The following AGPAT4 variants were observed in gnomAD, a reference collection of about 807,000 sequenced individuals.
AGPAT4 encodes the protein 1-acyl-sn-glycerol-3-phosphate acyltransferase delta.
Under a neutral mutation model 48.0 loss-of-function variants are expected in AGPAT4, and 15 were observed. The observed-to-expected ratio is 0.31, with a 90% CI of 0.21 to 0.48. The LOEUF is 0.48. Ranked by LOEUF, AGPAT4 falls within the 20% of genes least tolerant of loss-of-function variation. AGPAT4 has a pLI of 0.99. For synonymous variants in AGPAT4, 178 were observed against 198.7 expected (o/e 0.90, Z 0.88); for missense variants, 314 against 482.5 (o/e 0.65, Z 3.27).
chr6:161,247,673 G>A (rs35678264), intron 1 of AGPAT4, among the ~76,000 whole-genome samples: 4,929 of 152,140 alleles, frequency 0.032, 118 homozygotes, highest in Non-Finnish European at 0.045. Context: ...CTCTCACCAC[G>A]CCTATTCAAC....
At position 161,219,234 on chromosome 6, in the gene AGPAT4, T is replaced by C. The variant is rs1307563059; in HGVS notation, c.178+12802A>G. 6.6e-6 allele frequency among the ~76,000 whole-genome samples: 1 copy of C among 152,102 alleles called. No individual in the cohort carries two copies. The highest frequency in any genetic ancestry group is 1.5e-5 in the Non-Finnish European group (1 of 68,012). Reference sequence around the variant, plus strand: ...CATAGCTAAGGCAGTGGTCTTTCAATGTTTTTGATTCCTTAAAAAAAAAAT... The same window carrying C: ...CATAGCTAAGGCAGTGGTCTTTCAACGTTTTTGATTCCTTAAAAAAAAAAT... On this transcript the variant is annotated intron_variant, in intron 2 of 8. Transcript: ENST00000320285. This position sits in a 1 kb window ranked among gnomAD's most constrained non-coding sequence, Gnocchi z 4.9.
chr6:161,174,859 G>A (rs1038839172), intron 2 of AGPAT4, among the ~76,000 whole-genome samples: 11 of 152,168 alleles, frequency 7.2e-5, no homozygotes, highest in South Asian at 2.1e-4. Flanking sequence ...AGCATGAAGC[G>A]CTGTTGAATT....
intron 2 of AGPAT4, among the ~76,000 whole-genome samples, chr6:161,224,637 T>C: frequency 1.8e-5 from 2 of 110,292 alleles, no homozygotes; most frequent in East Asian, 2.2e-4. Flanking sequence ...CAAGACTCCT[T>C]CTCAAAAAAA....
rs1029539876 is a variant in AGPAT4 at position 161,165,091 on chromosome 6, C to T, written c.348+1157G>A. ...GTTAGGACCATGACATTCTAAGGGGCGATCTCTCATCAGAGAGAATAAATC... is the reference window on the plus strand; with the variant it reads ...GTTAGGACCATGACATTCTAAGGGGTGATCTCTCATCAGAGAGAATAAATC... On this transcript the variant is annotated intron_variant, in intron 3 of 8. Transcript: ENST00000320285. The surrounding 1 kb of genome is among the most constrained non-coding windows in gnomAD (Gnocchi z 5.5). Among the ~76,000 whole-genome samples, 1 of 152,144 alleles carries T rather than the reference C, an allele frequency of 6.6e-6. No homozygotes were observed. The highest frequency in any genetic ancestry group is 1.5e-5 in the Non-Finnish European group (1 of 68,026).
At position 161,202,444 on chromosome 6, in the gene AGPAT4, T is replaced by C. The variant is rs1218480031; in HGVS notation, c.178+29592A>G. Among the ~76,000 whole-genome samples, 1 of 152,164 alleles carries C rather than the reference T, an allele frequency of 6.6e-6. No individual in the cohort carries two copies. Among genetic ancestry groups the C allele is most frequent in the African/African-American group, 2.4e-5 (1 of 41,444 alleles). On this transcript the variant is annotated intron_variant, in intron 2 of 8. Transcript: ENST00000320285. This position sits in a 1 kb window ranked among gnomAD's most constrained non-coding sequence, Gnocchi z 5.4. Reference sequence around the variant, plus strand: ...GAGAGAGGAAACCAGGCAGAAGCTATGGCCTCACCTTGAAAGTTACAAAGC... The same window carrying C: ...GAGAGAGGAAACCAGGCAGAAGCTACGGCCTCACCTTGAAAGTTACAAAGC...
At chr6:161,185,647 C>G (rs1472263445) in intron 2 of AGPAT4, among the ~76,000 whole-genome samples, 1 of 152,128 alleles carries the variant, frequency 6.6e-6, no homozygotes, top group Non-Finnish European at 1.5e-5. Context: ...TCTACTCTTA[C>G]ATAGATTTTA....
rs113283241 is a variant in AGPAT4, at chr6:161,160,631, G to A, written c.348+5617C>T. On this transcript the variant is annotated intron_variant, in intron 3 of 8. Coordinates refer to ENST00000320285, the MANE Select transcript of AGPAT4 (RefSeq NM_020133.3). ...GATGTGCGGAGAGGAGAAGAGGACCGTGCAGGCTTGAAGCAGCAGGATACT... is the reference window on the plus strand; with the variant it reads ...GATGTGCGGAGAGGAGAAGAGGACCATGCAGGCTTGAAGCAGCAGGATACT... 5.3e-3 allele frequency: 1,247 copies of A among 235,974 alleles called. 13 individuals are homozygous for A. Among genetic ancestry groups the A allele is most frequent in the African/African-American group, 0.024 (1,086 of 45,452 alleles). The allele number at this position is 235,974 out of a possible 1,614,324, so 14.6% of individuals were successfully genotyped here.
rs146725531 is a variant in AGPAT4 at position 161,229,282 on chromosome 6, G to C, written c.178+2754C>G. Reference sequence around the variant, plus strand: ...CTGCAAATCATGAATGCTGATGACTGTCTAAGCTCAGAGTGACTCATACAC... The same window carrying C: ...CTGCAAATCATGAATGCTGATGACTCTCTAAGCTCAGAGTGACTCATACAC... On this transcript the variant is annotated intron_variant, in intron 2 of 8. Transcript: ENST00000320285. The surrounding 1 kb of genome is among the most constrained non-coding windows in gnomAD (Gnocchi z 6.0). Among the ~76,000 whole-genome samples the C allele has an allele frequency of 3.3e-5, 5 of 152,228 alleles. No homozygotes were observed. Among genetic ancestry groups the C allele is most frequent in the East Asian group, 1.9e-4 (1 of 5,162 alleles).
At position 161,166,332 on chromosome 6, in the gene AGPAT4, T is replaced by TGAGG. The variant is rs1780095585; in HGVS notation, c.263_264insCCTC (p.Glu88AspfsTer13). 1 of 1,614,054 alleles carries TGAGG rather than the reference T, an allele frequency of 6.2e-7. No homozygotes were observed. Among genetic ancestry groups the TGAGG allele is most frequent in the African/African-American group, 1.3e-5 (1 of 74,910 alleles). ...TGTGGTTGAGAACCACGATGGCATT[T>TGAGG]TCCTTCCCATACTTGAGGTAGGCGC... On this transcript the variant is annotated frameshift_variant, in exon 3 of 9. Coordinates refer to ENST00000320285, the MANE Select transcript of AGPAT4 (RefSeq NM_020133.3). LOFTEE classifies it high-confidence loss of function. The surrounding 1 kb of genome is among the most constrained non-coding windows in gnomAD (Gnocchi z 6.7).
chr6:161,233,763 A>G lies in AGPAT4; in HGVS notation c.-89-1461T>C, dbSNP rs1040468199. Among the ~76,000 whole-genome samples the G allele has an allele frequency of 6.6e-6, 1 of 152,226 alleles. No homozygotes were observed. The highest frequency in any genetic ancestry group is 2.4e-5 in the African/African-American group (1 of 41,456). ...ATGTTTGGTAGGTGAGGTGCATGCA[A>G]TGCCTTTTTGACCTACAGTATTTTC... On this transcript the variant is annotated intron_variant, in intron 1 of 8. Coordinates refer to ENST00000320285, the MANE Select transcript of AGPAT4 (RefSeq NM_020133.3). The surrounding 1 kb of genome is among the most constrained non-coding windows in gnomAD (Gnocchi z 5.4).
rs1780455074 is a variant in AGPAT4, at chr6:161,177,311, T to C, written c.179-10894A>G. On this transcript the variant is annotated intron_variant, in intron 2 of 8. Transcript: ENST00000320285. The surrounding 1 kb of genome is among the most constrained non-coding windows in gnomAD (Gnocchi z 5.0). ...ACGTAGATTTGGTCTTTTCACATAG[T>C]CCCATATTTCTTGGAGGCTTTGTTT... Among the ~76,000 whole-genome samples, 2 of 152,202 alleles carry C rather than the reference T, an allele frequency of 1.3e-5. No individual in the cohort carries two copies. The highest frequency in any genetic ancestry group is 6.5e-5 in the Admixed American group (1 of 15,284).
chr6:161,152,653 C>T (rs1016315502), intron 5 of AGPAT4, among the ~76,000 whole-genome samples: 4 of 152,124 alleles, frequency 2.6e-5, no homozygotes, highest in African/African-American at 9.7e-5. Flanking sequence ...AGCATGGGGC[C>T]GGGAGCCGCA....
rs766383524 is a variant in AGPAT4, at chr6:161,204,851, T to C, written c.178+27185A>G. ...TCTCCATTGTGCTACTTTGTAATGATTATAGAGTCAGCTATAAGAAGAATT... is the reference window on the plus strand; with the variant it reads ...TCTCCATTGTGCTACTTTGTAATGACTATAGAGTCAGCTATAAGAAGAATT... On this transcript the variant is annotated intron_variant, in intron 2 of 8. Transcript: ENST00000320285. The surrounding 1 kb of genome is among the most constrained non-coding windows in gnomAD (Gnocchi z 4.4). 1.3e-3 allele frequency among the ~76,000 whole-genome samples: 198 copies of C among 152,176 alleles called. No individual in the cohort carries two copies. The highest frequency in any genetic ancestry group is 1.7e-3 in the Non-Finnish European group (119 of 68,038).
At chr6:161,227,080 C>A (rs1351422966) in intron 2 of AGPAT4, among the ~76,000 whole-genome samples, 1 of 152,214 alleles carries the variant, frequency 6.6e-6, no homozygotes, top group East Asian at 1.9e-4. Context: ...CAGTCACACA[C>A]CTGGAGACAG....
At chr6:161,182,948 G>A (rs12203149) in intron 2 of AGPAT4, among the ~76,000 whole-genome samples, 12,725 of 152,212 alleles carry the variant, frequency 0.084, 652 homozygotes, top group Non-Finnish European at 0.12. Context: ...AGGAAACGCC[G>A]AGGCATACCA....
rs1012667831 is a variant in AGPAT4 at position 161,167,756 on chromosome 6, C to T, written c.179-1339G>A. The stretch of plus-strand genomic sequence containing the variant: ...AGAAGGCATCACAGTCCAGTTTTTA[C>T]GCAGTGAGCACTGCGGGACTTTGGA... On this transcript the variant is annotated intron_variant, in intron 2 of 8. Coordinates refer to ENST00000320285, the MANE Select transcript of AGPAT4 (RefSeq NM_020133.3). Among the ~76,000 whole-genome samples, 7 of 152,334 alleles carry T rather than the reference C, an allele frequency of 4.6e-5. No homozygotes were observed. In the South Asian group the frequency reaches 8.3e-4, roughly 18 times the overall value.
In AGPAT4 at chr6:161,142,448, A is replaced by G. The variant is rs1314653722; in HGVS notation, c.844-2828T>C. Among the ~76,000 whole-genome samples, 2 of 152,108 alleles carry G rather than the reference A, an allele frequency of 1.3e-5. No individual in the cohort carries two copies. Among genetic ancestry groups the G allele is most frequent in the Admixed American group, 6.5e-5 (1 of 15,274 alleles). ...TTGGAACTGGGAAATGTAGTTATTGAATGAAGGAGAGTTGGTTTGTTTCCA... is the reference window on the plus strand; with the variant it reads ...TTGGAACTGGGAAATGTAGTTATTGGATGAAGGAGAGTTGGTTTGTTTCCA... On this transcript the variant is annotated intron_variant, in intron 7 of 8. Coordinates refer to ENST00000320285, the MANE Select transcript of AGPAT4 (RefSeq NM_020133.3). This position sits in a 1 kb window ranked among gnomAD's most constrained non-coding sequence, Gnocchi z 6.4.
rs917133621 is a variant in AGPAT4 at position 161,141,599 on chromosome 6, A to G, written c.844-1979T>C. Reference sequence around the variant, plus strand: ...TGCCTTGTTTTTTTTTAAAAAAAAAACAGCTTTCTTAAGATGTCACTTACA... The same window carrying G: ...TGCCTTGTTTTTTTTTAAAAAAAAAGCAGCTTTCTTAAGATGTCACTTACA... On this transcript the variant is annotated intron_variant, in intron 7 of 8. Transcript: ENST00000320285. The surrounding 1 kb of genome is among the most constrained non-coding windows in gnomAD (Gnocchi z 6.7). Among the ~76,000 whole-genome samples, 2 of 152,066 alleles carry G rather than the reference A, an allele frequency of 1.3e-5. No homozygotes were observed. The highest frequency in any genetic ancestry group is 2.9e-5 in the Non-Finnish European group (2 of 68,030).
chr6:161,158,216 T>C lies in AGPAT4; in HGVS notation c.349-3906A>G, dbSNP rs1223029374. 6.6e-6 allele frequency among the ~76,000 whole-genome samples: 1 copy of C among 152,204 alleles called. No homozygotes were observed. The highest frequency in any genetic ancestry group is 2.4e-5 in the African/African-American group (1 of 41,462). ...TTATGACAAAGAGACTAGAAACTGC[T>C]ATTAAGACATACTGACAGTTCCCCC... On this transcript the variant is annotated intron_variant, in intron 3 of 8. Coordinates refer to ENST00000320285, the MANE Select transcript of AGPAT4 (RefSeq NM_020133.3). The surrounding 1 kb of genome is among the most constrained non-coding windows in gnomAD (Gnocchi z 5.3).
Sources: allele counts gnomAD v4.1 joint callset (sites outside exome capture counted in the v4.1 genomes callset), GRCh38; gene constraint gnomAD v4.1.1; non-coding constraint Gnocchi (gnomAD v3.1); transcripts MANE v1.5; gene names NCBI Gene and HGNC (gene_info 2026-07-23, HGNC 2026-07-21).